Variants in NCAPG2 observed in about 807,000 individuals in gnomAD.
NCAPG2 encodes the protein condensin-2 complex subunit G2.
A neutral mutation model predicts 141.1 loss-of-function variants in NCAPG2; 53 were observed. The observed-to-expected ratio is 0.38, with a 90% CI of 0.30 to 0.47. NCAPG2 has a LOEUF of 0.47. Ranked by LOEUF, NCAPG2 falls within the 20% of genes least tolerant of loss-of-function variation. The probability of loss-of-function intolerance (pLI) is 0.99; values close to 1 mark genes in which losing one functional copy is unlikely to be tolerated. For synonymous variants in NCAPG2, 499 were observed against 490.7 expected, an observed-to-expected ratio of 1.02 and a Z score of -0.22; for missense variants, 1,087 against 1,389.0, an observed-to-expected ratio of 0.78 and a Z score of 3.46.
rs199564693 is a variant in NCAPG2, at chr7:158,656,399, T to C, written c.2249A>G (p.His750Arg). ...TTCAGGTTTGACTGGGCGTGTGTCA[T>C]GGATCTGCACCCTACCTTTAGAAGC... The part of the protein sequence containing the change: ...NTASKGRVQI[H>R]DTRPVKPELA... The change falls in exon 19 of 28, where the codon CAT becomes CGT. Residue 750 changes from histidine to arginine, a missense_variant. Transcript: ENST00000356309. The C allele has an allele frequency of 4.6e-4, 749 of 1,614,230 alleles. 5 individuals carry two copies. In the Middle Eastern group the frequency reaches 0.013, roughly 27 times the overall value.
chr7:158,687,073 A>G (rs1251005680), intron 7 of NCAPG2, among the ~76,000 whole-genome samples: 1 of 152,224 alleles, frequency 6.6e-6, no homozygotes, highest in Non-Finnish European at 1.5e-5. Flanking sequence ...TACCATGGAC[A>G]TGGCTTTATT....
intron 1 of NCAPG2, 96 bp from the exon 2 acceptor site, chr7:158,702,034 C>A: frequency 1.4e-6 from 1 of 707,234 alleles, no homozygotes; most frequent in Non-Finnish European, 2.3e-6. Context: ...CAAGAAAATT[C>A]CTCAACCACG....
At chr7:158,658,557 A>T in intron 16 of NCAPG2, 149 bp from the exon 17 acceptor site, 3 of 650,340 alleles carry the variant, frequency 4.6e-6, no homozygotes, top group Non-Finnish European at 7.3e-6. Flanking sequence ...GAAAACTTAA[A>T]CCAGCCTCAT....
At chr7:158,673,243 GA>G (rs1173604382) in intron 12 of NCAPG2, among the ~76,000 whole-genome samples, 2 of 152,180 alleles carry the variant, frequency 1.3e-5, no homozygotes, top group Non-Finnish European at 2.9e-5. Context: ...GGGGAGAGAG[GA>G]AAATAAATAA....
intron 27 of NCAPG2, among the ~76,000 whole-genome samples, chr7:158,643,691 T>C (rs928380490): frequency 6.6e-6 from 1 of 152,258 alleles, no homozygotes. Context: ...GCTTCACCTA[T>C]TTAGCTCATA....
Position 158,652,194 on chromosome 7 carries a change from C to T in NCAPG2, c.2934+99G>A, listed in dbSNP as rs576582178. ...CTCCCACACAACACTGCGTGTCACC[C>T]GAGCGTGAACAGCACAGCCAGGGCT... On this transcript the variant is annotated intron_variant, in intron 23 of 27. Transcript: ENST00000356309. 2.8e-5 allele frequency: 34 copies of T among 1,231,520 alleles called. No individual in the cohort carries two copies. In the East Asian group the frequency reaches 2.9e-4, roughly 10 times the overall value. 76.3% of individuals were successfully genotyped at this position (1,231,520 alleles called of 1,614,324 possible).
chr7:158,648,447 A>G (rs1831193797), intron 24 of NCAPG2, among the ~76,000 whole-genome samples: 1 of 152,184 alleles, frequency 6.6e-6, no homozygotes, highest in Admixed American at 6.5e-5. Context: ...AAGAAACAAC[A>G]TTAACTTAAA....
chr7:158,677,525 C>CAAAAAAAAAAAAAAAAAAA, intron 11 of NCAPG2, among the ~76,000 whole-genome samples: 9 of 90,404 alleles, frequency 1.0e-4, no homozygotes, highest in Non-Finnish European at 1.3e-4. Flanking sequence ...AAAAATAAAG[C>CAAAAAAAAAAAAAAAAAAA]AAAAAAAAAA....
intron 9 of NCAPG2, among the ~76,000 whole-genome samples, 197 bp downstream of exon 9, chr7:158,683,103 C>G (rs144405580): frequency 8.1e-4 from 124 of 152,310 alleles, no homozygotes; most frequent in Middle Eastern, 3.4e-3. Flanking sequence ...TACTAACCAT[C>G]TCAACAATAC....
At chr7:158,672,312 ATATATATATATATATATTTTTTTT>A (rs1563549490) in intron 12 of NCAPG2, among the ~76,000 whole-genome samples, 504 of 38,322 alleles carry the variant, frequency 0.013, 5 homozygotes, top group African/African-American at 0.04. Context: ...ATATATATAT[ATATATATATATATATATTTTTTTT>A]TTTTTTTTTT....
intron 11 of NCAPG2, among the ~76,000 whole-genome samples, chr7:158,678,287 G>A (rs1354421616): frequency 6.6e-6 from 1 of 152,116 alleles, no homozygotes; most frequent in African/African-American, 2.4e-5. Flanking sequence ...TCTAAAGGTT[G>A]AGTTAAAGCC....
At chr7:158,688,514 C>T (rs1834920590) in intron 6 of NCAPG2, among the ~76,000 whole-genome samples, 1 of 152,228 alleles carries the variant, frequency 6.6e-6, no homozygotes, top group Non-Finnish European at 1.5e-5. Context: ...ATCCTGGAGA[C>T]ATGTGTGGGG....
intron 13 of NCAPG2, chr7:158,667,161 G>A (rs1421537895): frequency 2.0e-6 from 2 of 985,286 alleles, no homozygotes; most frequent in East Asian, 1.1e-4. Flanking sequence ...ACAACCAAAT[G>A]GCTGTCTGCC....
intron 11 of NCAPG2, among the ~76,000 whole-genome samples, chr7:158,676,857 A>G (rs1479042114): frequency 6.6e-6 from 1 of 152,230 alleles, no homozygotes. Flanking sequence ...TCTATTAGCA[A>G]TAATAGAAAC....
chr7:158,658,123 T>C (rs887863976), intron 17 of NCAPG2, among the ~76,000 whole-genome samples: 26 of 146,716 alleles, frequency 1.8e-4, no homozygotes, highest in African/African-American at 5.8e-4. Flanking sequence ...AATCCCCCTC[T>C]GTGAGAAACA....
chr7:158,632,133 T>G (rs1829930571), intron 27 of NCAPG2, among the ~76,000 whole-genome samples: 1 of 152,174 alleles, frequency 6.6e-6, no homozygotes, highest in African/African-American at 2.4e-5. Context: ...GACATTTACC[T>G]ACTACCTCTA....
At chr7:158,635,975 A>ATTT (rs1563485352) in intron 27 of NCAPG2, among the ~76,000 whole-genome samples, 1 of 152,226 alleles carries the variant, frequency 6.6e-6, no homozygotes, top group Admixed American at 6.5e-5. Context: ...TGTCAGATTG[A>ATTT]TTTTTTTAGA....
chr7:158,649,333 A>G (rs1831305114), intron 24 of NCAPG2, among the ~76,000 whole-genome samples: 1 of 152,264 alleles, frequency 6.6e-6, no homozygotes, highest in Non-Finnish European at 1.5e-5. Context: ...GTAACAAAAT[A>G]GTAAATATTT....
At chr7:158,686,802 T>C (rs908255487) in intron 7 of NCAPG2, among the ~76,000 whole-genome samples, 2 of 152,200 alleles carry the variant, frequency 1.3e-5, no homozygotes, top group Non-Finnish European at 2.9e-5. Context: ...CTGGGAAATT[T>C]AGAAAGCAAA....
Sources: gnomAD v4.1 joint callset for allele counts (sites outside exome capture counted in the v4.1 genomes callset) on GRCh38, gnomAD v4.1.1 for gene constraint, MANE v1.5 for transcripts, NCBI Gene and HGNC (gene_info 2026-07-23, HGNC 2026-07-21) for gene names.